The following PLAGL1 variants were observed in gnomAD, a reference collection of about 807,000 sequenced individuals.
PLAGL1 encodes the protein zinc finger protein PLAGL1.
In PLAGL1, 1 loss-of-function variant was observed where a neutral mutation model predicts 4.6. That is an observed-to-expected ratio of 0.22 (90% CI 0.08 to 1.03). The LOEUF (loss-of-function observed/expected upper bound fraction) is 1.03. PLAGL1 is among the 50% of genes least tolerant of loss of function. The pLI is 0.58. For synonymous variants in PLAGL1, 240 were observed against 237.8 expected (o/e 1.01, Z -0.08); for missense variants, 464 against 570.4 (o/e 0.81, Z 1.90).
Position 144,064,155 on chromosome 6 carries a change from A to T in PLAGL1, c.-151+313T>A, listed in dbSNP as rs962911022. On this transcript the variant is annotated intron_variant, in intron 1 of 3. Coordinates refer to the PLAGL1 transcript ENST00000437412. The surrounding 1 kb of genome is among the most constrained non-coding windows in gnomAD (Gnocchi z 6.8). ...GTGGCGGCTGTTCAGCTCCCACGTC[A>T]CCCGGCCCGCCCTCCGCCCAGCGCA... Among the ~76,000 whole-genome samples the T allele has an allele frequency of 6.6e-6, 1 of 151,490 alleles. No homozygotes were observed. The highest frequency in any genetic ancestry group is 2.0e-4 in the East Asian group (1 of 5,100).
rs1237777088 is a variant in PLAGL1 at position 143,989,491 on chromosome 6, T to C, written c.-583-4317A>G. ...AGGAGGAGGAATTCACCCCCTTTTC[T>C]TCCTGCCTGCCTGAGCTGGGACATC... On this transcript the variant is annotated intron_variant, in intron 1 of 7. Transcript: ENST00000674357. This position sits in a 1 kb window ranked among gnomAD's most constrained non-coding sequence, Gnocchi z 4.8. 6.6e-6 allele frequency among the ~76,000 whole-genome samples: 1 copy of C among 152,182 alleles called. No individual in the cohort carries two copies. The highest frequency in any genetic ancestry group is 1.5e-5 in the Non-Finnish European group (1 of 68,030).
rs1583423929 is a variant in PLAGL1 at position 143,984,203 on chromosome 6, T to C, written c.-544+932A>G. On this transcript the variant is annotated intron_variant, in intron 2 of 7. Transcript: ENST00000674357. The surrounding 1 kb of genome is among the most constrained non-coding windows in gnomAD (Gnocchi z 5.5). The stretch of plus-strand genomic sequence containing the variant: ...CAAATGTCCTTCTTCTCTTTCACTA[T>C]CATTCTGAAAAATGTACAATTAATT... 6.6e-6 allele frequency among the ~76,000 whole-genome samples: 1 copy of C among 152,208 alleles called. No individual in the cohort carries two copies. Among genetic ancestry groups the C allele is most frequent in the Non-Finnish European group, 1.5e-5 (1 of 68,024 alleles).
chr6:143,987,980 T>C (rs1789584343), intron 1 of PLAGL1, among the ~76,000 whole-genome samples: 1 of 152,232 alleles, frequency 6.6e-6, no homozygotes, highest in Non-Finnish European at 1.5e-5. Context: ...CATATCTTTC[T>C]AAAAGCATAT....
rs890029371 is a variant in PLAGL1, at chr6:144,000,152, G to A, written c.-584+7938C>T. ...AGAAGAAGAGAACTTTAAATATCCC[G>A]CAACAACATCACACTAAGCTTCAGT... On this transcript the variant is annotated intron_variant, in intron 1 of 7. Transcript: ENST00000674357. This position sits in a 1 kb window ranked among gnomAD's most constrained non-coding sequence, Gnocchi z 4.1. Among the ~76,000 whole-genome samples the A allele has an allele frequency of 9.2e-5, 14 of 152,020 alleles. 1 individual carries two copies. Among genetic ancestry groups the A allele is most frequent in the Admixed American group, 5.9e-4 (9 of 15,254 alleles).
rs764930293 is a variant in PLAGL1, at chr6:143,955,652, C to T, written c.-325+4817G>A. ...TACCAAGGGGAAAGGACGACCCAGG[C>T]GCTCACCACCAGGGAGCTGGGCAAT... On this transcript the variant is annotated intron_variant, in intron 6 of 7. Transcript: ENST00000674357. This position sits in a 1 kb window ranked among gnomAD's most constrained non-coding sequence, Gnocchi z 4.9. 3.3e-5 allele frequency among the ~76,000 whole-genome samples: 5 copies of T among 152,066 alleles called. No homozygotes were observed. The highest frequency in any genetic ancestry group is 5.9e-5 in the Non-Finnish European group (4 of 68,014).
Position 144,004,101 on chromosome 6 carries a change from G to A in PLAGL1, c.-584+3989C>T, listed in dbSNP as rs1793605068. On this transcript the variant is annotated intron_variant, in intron 1 of 7. Transcript: ENST00000674357. The surrounding 1 kb of genome is among the most constrained non-coding windows in gnomAD (Gnocchi z 4.2). The stretch of plus-strand genomic sequence containing the variant: ...ATTTTTTTCTGTAAATGGCCACGTG[G>A]TAAATAGTTTAGGCTTTGTGGGCCA... Among the ~76,000 whole-genome samples, 1 of 152,174 alleles carries A rather than the reference G, an allele frequency of 6.6e-6. No homozygotes were observed. Among genetic ancestry groups the A allele is most frequent in the Non-Finnish European group, 1.5e-5 (1 of 68,036 alleles).
intron 6 of PLAGL1, among the ~76,000 whole-genome samples, chr6:143,951,160 T>TA (rs1781003001): frequency 1.3e-5 from 2 of 152,224 alleles, no homozygotes; most frequent in Non-Finnish European, 2.9e-5. Flanking sequence ...AGTTACCTGA[T>TA]GTATGTAAAC....
rs896215422 is a variant in PLAGL1, at chr6:143,983,110, T to A, written c.-544+2025A>T. ...AATGAGGATGTAACTGCAAGAAAGA[T>A]AAGAGTAGTCACATGCAATAGGAAG... On this transcript the variant is annotated intron_variant, in intron 2 of 7. Transcript: ENST00000674357. This position sits in a 1 kb window ranked among gnomAD's most constrained non-coding sequence, Gnocchi z 6.6. Among the ~76,000 whole-genome samples the A allele has an allele frequency of 6.6e-6, 1 of 152,102 alleles. No homozygotes were observed. Among genetic ancestry groups the A allele is most frequent in the African/African-American group, 2.4e-5 (1 of 41,420 alleles).
chr6:144,023,216 C>T (rs1796096838), intron 1 of PLAGL1, among the ~76,000 whole-genome samples: 1 of 151,998 alleles, frequency 6.6e-6, no homozygotes, highest in Non-Finnish European at 1.5e-5. Flanking sequence ...ATCAAACTCA[C>T]CAGGAGTTTG....
At position 143,984,828 on chromosome 6, in the gene PLAGL1, C is replaced by T. The variant is rs867565571; in HGVS notation, c.-544+307G>A. ...GGAGGAAGACTAATGCCCAACAGGACGTCTGCATCTATATACAACCTCAGC... is the reference window on the plus strand; with the variant it reads ...GGAGGAAGACTAATGCCCAACAGGATGTCTGCATCTATATACAACCTCAGC... On this transcript the variant is annotated intron_variant, in intron 2 of 7. Coordinates refer to ENST00000674357, the MANE Select transcript of PLAGL1 (RefSeq NM_001317162.2). This position sits in a 1 kb window ranked among gnomAD's most constrained non-coding sequence, Gnocchi z 5.5. Among the ~76,000 whole-genome samples, 1 of 152,128 alleles carries T rather than the reference C, an allele frequency of 6.6e-6. No homozygotes were observed. Among genetic ancestry groups the T allele is most frequent in the African/African-American group, 2.4e-5 (1 of 41,428 alleles).
rs1220186614 is a variant in PLAGL1 at position 143,995,388 on chromosome 6, T to G, written c.-583-10214A>C. ...TTTGTTGTTATGGTTTTTTGGGGGTTTTTTTGCTTTGCTTTGGAAAGGGGA... is the reference window on the plus strand; with the variant it reads ...TTTGTTGTTATGGTTTTTTGGGGGTGTTTTTGCTTTGCTTTGGAAAGGGGA... On this transcript the variant is annotated intron_variant, in intron 1 of 7. Transcript: ENST00000674357. The surrounding 1 kb of genome is among the most constrained non-coding windows in gnomAD (Gnocchi z 4.4). 1.3e-5 allele frequency among the ~76,000 whole-genome samples: 2 copies of G among 152,174 alleles called. No homozygotes were observed. Among genetic ancestry groups the G allele is most frequent in the African/African-American group, 4.8e-5 (2 of 41,440 alleles).
rs145215911 is a variant in PLAGL1, at chr6:143,959,108, C to T, written c.-325+1361G>A. On this transcript the variant is annotated intron_variant, in intron 6 of 7. Coordinates refer to ENST00000674357, the MANE Select transcript of PLAGL1 (RefSeq NM_001317162.2). The surrounding 1 kb of genome is among the most constrained non-coding windows in gnomAD (Gnocchi z 5.3). ...CTGCGCTCCCCGTCGCCCCGGAGGC[C>T]GGCACCTTGCTCACAATAAGCCTCA... is the stretch of plus-strand genomic sequence containing the variant. Among the ~76,000 whole-genome samples the T allele has an allele frequency of 1.8e-4, 27 of 152,282 alleles. No homozygotes were observed. The highest frequency in any genetic ancestry group is 3.4e-3 in the Middle Eastern group (1 of 294).
chr6:144,021,989 G>A (rs1306493449), intron 1 of PLAGL1, among the ~76,000 whole-genome samples: 1 of 152,176 alleles, frequency 6.6e-6, no homozygotes, highest in Admixed American at 6.5e-5. Flanking sequence ...TAAAAAAGGA[G>A]AGGAGAAGAT....
rs907888609 is a variant in PLAGL1, at chr6:143,955,745, G to A, written c.-325+4724C>T. 4.6e-5 allele frequency among the ~76,000 whole-genome samples: 7 copies of A among 152,236 alleles called. No individual in the cohort carries two copies. The South Asian group carries it at 1.2e-3, about 27-fold the overall frequency. ...TTTTGATGGTAACTCTGGCAGGGAC[G>A]TATAAGACATGCTGGAGGGTGGTGG... On this transcript the variant is annotated intron_variant, in intron 6 of 7. Transcript: ENST00000674357. The surrounding 1 kb of genome is among the most constrained non-coding windows in gnomAD (Gnocchi z 4.9).
In PLAGL1 at chr6:144,048,018, T is replaced by C. The variant is rs964081559; in HGVS notation, c.-151+16450A>G. On this transcript the variant is annotated intron_variant, in intron 1 of 3. Coordinates refer to the PLAGL1 transcript ENST00000437412. The surrounding 1 kb of genome is among the most constrained non-coding windows in gnomAD (Gnocchi z 4.8). ...ATGCTCCCATTCCAAATGGGAGAAA[T>C]TGGTCAAAACAAAAGGGCTACAGGC... 6.6e-6 allele frequency among the ~76,000 whole-genome samples: 1 copy of C among 152,070 alleles called. No homozygotes were observed. Among genetic ancestry groups the C allele is most frequent in the African/African-American group, 2.4e-5 (1 of 41,388 alleles).
At position 144,000,085 on chromosome 6, in the gene PLAGL1, T is replaced by C. The variant is rs1792514432; in HGVS notation, c.-584+8005A>G. Among the ~76,000 whole-genome samples the C allele has an allele frequency of 6.6e-6, 1 of 152,134 alleles. No homozygotes were observed. Among genetic ancestry groups the C allele is most frequent in the Admixed American group, 6.5e-5 (1 of 15,268 alleles). ...CAATAGATTCAGAAAAAATACTTAA[T>C]AAAATCCAATACAATTCATGATATA... On this transcript the variant is annotated intron_variant, in intron 1 of 7. Transcript: ENST00000674357. This position sits in a 1 kb window ranked among gnomAD's most constrained non-coding sequence, Gnocchi z 4.1.
At chr6:144,013,287 C>T (rs1325946503), upstream of PLAGL1, among the ~76,000 whole-genome samples, 1 of 152,138 alleles carries the variant, frequency 6.6e-6, no homozygotes, top group Non-Finnish European at 1.5e-5. The surrounding 1 kb of genome is among the most constrained non-coding windows in gnomAD (Gnocchi z 4.4). Flanking sequence ...GGGGTAACAG[C>T]TATGATGGGG....
In PLAGL1 at chr6:143,955,572, C is replaced by T. The variant is rs902160991; in HGVS notation, c.-325+4897G>A. Among the ~76,000 whole-genome samples, 5 of 152,000 alleles carry T rather than the reference C, an allele frequency of 3.3e-5. No homozygotes were observed. Among genetic ancestry groups the T allele is most frequent in the Non-Finnish European group, 7.4e-5 (5 of 68,018 alleles). On this transcript the variant is annotated intron_variant, in intron 6 of 7. Coordinates refer to ENST00000674357, the MANE Select transcript of PLAGL1 (RefSeq NM_001317162.2). This position sits in a 1 kb window ranked among gnomAD's most constrained non-coding sequence, Gnocchi z 4.9. ...GAATGGGAAGAGGCAGTGGGGAAAG[C>T]CTCAGCCTGTGATTGTGAGCCTCAA...
In PLAGL1 at chr6:144,013,828, TCTC is replaced by T. The variant is rs986886499; in HGVS notation, c.-150-44853_-150-44851del. On this transcript the variant is annotated intron_variant, in intron 1 of 3. Transcript: ENST00000437412. The surrounding 1 kb of genome is among the most constrained non-coding windows in gnomAD (Gnocchi z 4.4). ...GACTCACTGAAATAACTGAAGGTGG[TCTC>T]CTCATTTCAAGATCCGTAACTTAAG... Among the ~76,000 whole-genome samples, 9 of 152,154 alleles carry T rather than the reference TCTC, an allele frequency of 5.9e-5. No homozygotes were observed. The highest frequency in any genetic ancestry group is 9.7e-5 in the African/African-American group (4 of 41,440).
Sources: gnomAD v4.1 joint callset for allele counts (sites outside exome capture counted in the v4.1 genomes callset) on GRCh38, gnomAD v4.1.1 for gene constraint, Gnocchi (gnomAD v3.1) non-coding constraint, MANE v1.5 for transcripts, NCBI Gene and HGNC (gene_info 2026-07-23, HGNC 2026-07-21) for gene names.